Variants in UTP25 observed in about 807,000 individuals in gnomAD.
The protein encoded by UTP25 is U3 small nucleolar RNA-associated protein 25 homolog.
A neutral mutation model predicts 78.9 loss-of-function variants in UTP25; 50 were observed. The observed-to-expected ratio is 0.63, with a 90% CI of 0.50 to 0.80. The LOEUF is 0.80. UTP25 is among the 30% of genes least tolerant of loss of function. The pLI is 0.00. For missense variants in UTP25, 846 were observed against 911.3 expected (o/e 0.93, Z 0.92); for synonymous variants, 329 against 336.5 (o/e 0.98, Z 0.24).
chr1:209,833,236 C>T lies in UTP25; in HGVS notation c.440C>T (p.Pro147Leu), dbSNP rs751871730. 9.9e-6 allele frequency: 16 copies of T among 1,613,686 alleles called. No individual in the cohort carries two copies. Among genetic ancestry groups the T allele is most frequent in the Middle Eastern group, 1.6e-4 (1 of 6,084 alleles). The change falls in exon 4 of 12, where the codon CCG (proline) becomes CTG (leucine). Residue 147 changes from proline to leucine, a missense_variant. Pro to Leu is a moderately conservative substitution (Grantham distance 98, BLOSUM62 -3). Coordinates refer to ENST00000491415, the MANE Select transcript of UTP25 (RefSeq NM_014388.7). The part of the protein sequence containing the change: ...PEGKEDGEEP[P>L]GTSQTSPEEF... The stretch of plus-strand genomic sequence containing the variant: ...GGAAAAGAAGATGGGGAAGAGCCAC[C>T]GGGCACATCACAAACATCCCCCGAA...
In UTP25 at chr1:209,837,896, C is replaced by T. The variant is rs373322715; in HGVS notation, c.1062+685C>T. ...GCATCTCTCCGTATTGAAGAAGCCT[C>T]ATCTTTTTAGAATTTTCTCATTGAG... On this transcript the variant is annotated intron_variant, in intron 6 of 11. Coordinates refer to ENST00000491415, the MANE Select transcript of UTP25 (RefSeq NM_014388.7). Among the ~76,000 whole-genome samples the T allele has an allele frequency of 1.6e-4, 25 of 152,314 alleles. No individual in the cohort carries two copies. In the East Asian group the frequency reaches 3.5e-3, roughly 21 times the overall value.
chr1:209,852,112 A>C lies in UTP25; in HGVS notation c.*665A>C, dbSNP rs1212856800. 1 of 152,232 alleles carries C rather than the reference A, an allele frequency of 6.6e-6. No individual in the cohort carries two copies. Among genetic ancestry groups the C allele is most frequent in the East Asian group, 1.9e-4 (1 of 5,206 alleles). 9.4% of individuals were successfully genotyped at this position (152,232 alleles called of 1,614,324 possible). A position where few individuals can be genotyped will look rare whatever the true frequency, so the allele number is the denominator to read the frequency against. On this transcript the variant is annotated 3_prime_UTR_variant, in exon 12 of 12. Transcript: ENST00000491415. ...CTGTCTCAAGAAGTAATTTTGTTGA[A>C]ACTCCATGTTAAAATATCCATCTTC... is the stretch of plus-strand genomic sequence containing the variant.
Position 209,837,560 on chromosome 1 carries a change from C to T in UTP25, c.1062+349C>T, listed in dbSNP as rs555601337. 6.6e-5 allele frequency among the ~76,000 whole-genome samples: 10 copies of T among 152,278 alleles called. No homozygotes were observed. In the South Asian group the frequency reaches 1.9e-3, roughly 28 times the overall value. ...TAATGAGCCTTTTATCCAATCCCTCCATATTACAGCTGTGGACAACCCCAA... is the reference window on the plus strand; with the variant it reads ...TAATGAGCCTTTTATCCAATCCCTCTATATTACAGCTGTGGACAACCCCAA... On this transcript the variant is annotated intron_variant, in intron 6 of 11. Transcript: ENST00000491415.
In UTP25 at chr1:209,840,834, A is replaced by G. The variant is rs751237780; in HGVS notation, c.1283-19A>G. 1.6e-5 allele frequency: 26 copies of G among 1,611,562 alleles called. No homozygotes were observed. Among genetic ancestry groups the G allele is most frequent in the Non-Finnish European group, 2.1e-5 (25 of 1,179,544 alleles). On this transcript the variant is annotated intron_variant, in intron 7 of 11. Coordinates refer to ENST00000491415, the MANE Select transcript of UTP25 (RefSeq NM_014388.7). Reference sequence around the variant, plus strand: ...GGTAGTGACTAATGAATTGGTGTGTACTTGGCTGTTTTGTGTAGGAGTGGC... The same window carrying G: ...GGTAGTGACTAATGAATTGGTGTGTGCTTGGCTGTTTTGTGTAGGAGTGGC...
intron 11 of UTP25, among the ~76,000 whole-genome samples, chr1:209,846,735 T>C (rs1399894318): frequency 6.6e-6 from 1 of 152,212 alleles, no homozygotes; most frequent in Non-Finnish European, 1.5e-5. Flanking sequence ...TATGGAGACT[T>C]GCCACTAACT....
chr1:209,857,360 T>C lies in UTP25; in HGVS notation c.*5913T>C, dbSNP rs1220968549. 1 of 152,142 alleles carries C rather than the reference T, an allele frequency of 6.6e-6. No homozygotes were observed. The highest frequency in any genetic ancestry group is 1.5e-5 in the Non-Finnish European group (1 of 68,030). The allele number at this position is 152,142 out of a possible 1,614,324, so 9.4% of individuals were successfully genotyped here. A position where few individuals can be genotyped will look rare whatever the true frequency, so the allele number is the denominator to read the frequency against. Reference sequence around the variant, plus strand: ...ACTTTTTTTTTTCCTGAAAAGTTATTCTTTTAATCTTATTAAAAAAGCAAC... The same window carrying C: ...ACTTTTTTTTTTCCTGAAAAGTTATCCTTTTAATCTTATTAAAAAAGCAAC... On this transcript the variant is annotated 3_prime_UTR_variant, in exon 12 of 12. Transcript: ENST00000491415.
chr1:209,832,712 A>G (rs372800793), intron 3 of UTP25, among the ~76,000 whole-genome samples: 1 of 152,246 alleles, frequency 6.6e-6, no homozygotes, highest in South Asian at 2.1e-4. Context: ...GCGAAACCCC[A>G]TCTCTACAGA....
At chr1:209,831,627 C>T (rs961010619) in intron 3 of UTP25, among the ~76,000 whole-genome samples, 2 of 152,174 alleles carry the variant, frequency 1.3e-5, no homozygotes, top group Non-Finnish European at 2.9e-5. Flanking sequence ...TTTAAATATA[C>T]AGTCTGACAG....
intron 5 of UTP25, 45 bp from the exon 6 acceptor site, chr1:209,836,756 C>A (rs767337332): frequency 2.0e-6 from 3 of 1,536,592 alleles, no homozygotes; most frequent in Non-Finnish European, 1.7e-6. Context: ...ATGTAATTTA[C>A]TGTTATTCAT....
At position 209,851,071 on chromosome 1, in the gene UTP25, G is replaced by A. The variant is rs936609269; in HGVS notation, c.2028-133G>A. On this transcript the variant is annotated intron_variant, in intron 11 of 11. Coordinates refer to ENST00000491415, the MANE Select transcript of UTP25 (RefSeq NM_014388.7). The stretch of plus-strand genomic sequence containing the variant: ...CTCAAGTTAGAATAACTTTTGTTCT[G>A]TTACTTGTGCCACTGTTTTTCTCCA... 7.2e-6 allele frequency: 7 copies of A among 973,316 alleles called. No individual in the cohort carries two copies. The Admixed American group carries it at 9.4e-5, about 13-fold the overall frequency. The allele number at this position is 973,316 out of a possible 1,614,324, so 60.3% of individuals were successfully genotyped here. A position where few individuals can be genotyped will look rare whatever the true frequency, so the allele number is the denominator to read the frequency against.
At position 209,854,591 on chromosome 1, in the gene UTP25, T is replaced by C. The variant is rs35508116; in HGVS notation, c.*3144T>C. 0.21 allele frequency: 32,697 copies of C among 152,274 alleles called. 4,114 individuals are homozygous for C. Among genetic ancestry groups the C allele is most frequent in the African/African-American group, 0.34 (14,095 of 41,468 alleles). The allele number at this position is 152,274 out of a possible 1,614,324, so 9.4% of individuals were successfully genotyped here. A position where few individuals can be genotyped will look rare whatever the true frequency, so the allele number is the denominator to read the frequency against. On this transcript the variant is annotated 3_prime_UTR_variant, in exon 12 of 12. Transcript: ENST00000491415. ...GTGCCCTCGTGAGGGCAAGGAGCTA[T>C]GCTGCTGAAGGAGGAAAGGGAAAGG...
At chr1:209,850,849 C>G (rs2078226731) in intron 11 of UTP25, among the ~76,000 whole-genome samples, 1 of 152,164 alleles carries the variant, frequency 6.6e-6, no homozygotes, top group Non-Finnish European at 1.5e-5. Flanking sequence ...TATAATAAGG[C>G]TAATGTTCCA....
Position 209,835,169 on chromosome 1 carries a change from T to C in UTP25, c.651+6T>C. 6.2e-7 allele frequency: 1 copy of C among 1,612,284 alleles called. No homozygotes were observed. Among genetic ancestry groups the C allele is most frequent in the Non-Finnish European group, 8.5e-7 (1 of 1,178,548 alleles). ...AAACTACCCACGAGCTTAAAGTAAGTGTTGCTTGGTCATCCCGGTCACAAA... is the reference window on the plus strand; with the variant it reads ...AAACTACCCACGAGCTTAAAGTAAGCGTTGCTTGGTCATCCCGGTCACAAA... On this transcript the variant is annotated splice_donor_region_variant and intron_variant, in intron 5 of 11. Transcript: ENST00000491415.
chr1:209,851,253 T>C lies in UTP25; in HGVS notation c.2077T>C (p.Tyr693His). ...RNLIFYELPTYPHFYSEICNM... is the reference protein window; with the variant it reads ...RNLIFYELPTHPHFYSEICNM... ...CCTGATTTTCTATGAACTGCCGACATATCCACACTTTTACAGTGAAATCTG... is the reference window on the plus strand; with the variant it reads ...CCTGATTTTCTATGAACTGCCGACACATCCACACTTTTACAGTGAAATCTG... The change falls in exon 12 of 12, where the codon TAT becomes CAT. Residue 693 changes from tyrosine to histidine, a missense_variant. Coordinates refer to ENST00000491415, the MANE Select transcript of UTP25 (RefSeq NM_014388.7). 1.9e-6 allele frequency: 3 copies of C among 1,614,134 alleles called. No homozygotes were observed. The highest frequency in any genetic ancestry group is 2.5e-6 in the Non-Finnish European group (3 of 1,180,020).
At position 209,837,070 on chromosome 1, in the gene UTP25, C is replaced by A; in HGVS notation, c.921C>A (p.Arg307=). Reference sequence around the variant, plus strand: ...CTCTGAAGAACGGGGAAGAGATCCGCCATGTGTATTGCCTGCATGTGATAA... The same window carrying A: ...CTCTGAAGAACGGGGAAGAGATCCGACATGTGTATTGCCTGCATGTGATAA... ...RTALKNGEEI[R]HVYCLHVINH... is the part of the protein sequence containing the mutation. The change falls in exon 6 of 12, where the codon CGC becomes CGA. Residue 307 remains arginine, a synonymous_variant. Coordinates refer to ENST00000491415, the MANE Select transcript of UTP25 (RefSeq NM_014388.7). 6.2e-7 allele frequency: 1 copy of A among 1,614,168 alleles called. No individual in the cohort carries two copies. The highest frequency in any genetic ancestry group is 8.5e-7 in the Non-Finnish European group (1 of 1,180,014).
intron 3 of UTP25, among the ~76,000 whole-genome samples, chr1:209,832,315 T>C (rs1304668635): frequency 6.6e-6 from 1 of 152,178 alleles, no homozygotes; most frequent in African/African-American, 2.4e-5. Context: ...TGTGTATCTG[T>C]ATAATGGCCT....
chr1:209,857,041 T>G lies in UTP25; in HGVS notation c.*5594T>G, dbSNP rs536717031. On this transcript the variant is annotated 3_prime_UTR_variant, in exon 12 of 12. Coordinates refer to ENST00000491415, the MANE Select transcript of UTP25 (RefSeq NM_014388.7). ...TCAGAATCCCCAATTCGATAGAAAC[T>G]TACAGGTCTTGTGATCTAATCTGCC... The G allele has an allele frequency of 6.6e-6, 1 of 152,298 alleles. No homozygotes were observed. Among genetic ancestry groups the G allele is most frequent in the Non-Finnish European group, 1.5e-5 (1 of 68,004 alleles). 9.4% of individuals were successfully genotyped at this position (152,298 alleles called of 1,614,324 possible). A position where few individuals can be genotyped will look rare whatever the true frequency, so the allele number is the denominator to read the frequency against.
intron 11 of UTP25, among the ~76,000 whole-genome samples, chr1:209,846,578 T>C: frequency 6.6e-6 from 1 of 152,226 alleles, no homozygotes; most frequent in South Asian, 2.1e-4. Flanking sequence ...TTCAAGTTCA[T>C]TGTGGTTGCC....
intron 10 of UTP25, 23 bp downstream of exon 10, chr1:209,842,718 C>T: frequency 6.4e-7 from 1 of 1,552,172 alleles, no homozygotes; most frequent in South Asian, 1.1e-5. Flanking sequence ...TCCCAGCAGG[C>T]CCCTGGGGAC....
Sources: gnomAD v4.1 joint callset for allele counts (sites outside exome capture counted in the v4.1 genomes callset) on GRCh38, gnomAD v4.1.1 for gene constraint, MANE v1.5 for transcripts, NCBI Gene and HGNC (gene_info 2026-07-23, HGNC 2026-07-21) for gene names.